Variants in KYNU observed in about 807,000 individuals in gnomAD.
KYNU encodes L-kynurenine hydrolase.
Under a neutral mutation model 59.2 loss-of-function variants are expected in KYNU, and 54 were observed. The observed-to-expected ratio is 0.91, with a 90% CI of 0.73 to 1.14. The LOEUF is 1.14. Ranked by LOEUF, KYNU falls within the 50% of genes most tolerant of loss-of-function variation. The pLI is 0.00. For missense variants in KYNU, 567 were observed against 554.4 expected, an observed-to-expected ratio of 1.02 and a Z score of -0.23; for synonymous variants, 177 against 192.0, an observed-to-expected ratio of 0.92 and a Z score of 0.65.
chr2:142,943,302 C>T (rs938697119), intron 4 of KYNU, among the ~76,000 whole-genome samples: 1 of 152,100 alleles, frequency 6.6e-6, no homozygotes, highest in African/African-American at 2.4e-5. Flanking sequence ...TTGAGTCTTC[C>T]AGGTTCTTAA....
chr2:142,965,376 G>A (rs1684493343), intron 8 of KYNU, among the ~76,000 whole-genome samples: 2 of 152,092 alleles, frequency 1.3e-5, no homozygotes, highest in African/African-American at 4.8e-5. Context: ...AATGTTTTCA[G>A]CTACAAGAAA....
intron 2 of KYNU, among the ~76,000 whole-genome samples, chr2:142,889,013 A>C (rs1003275945): frequency 2.6e-5 from 4 of 151,784 alleles, no homozygotes; most frequent in African/African-American, 7.3e-5. Flanking sequence ...AGATGACAGC[A>C]CAGTGAGGAA....
Position 143,006,810 on chromosome 2 carries a change from C to T in KYNU, c.902+20789C>T, listed in dbSNP as rs186345484. 7.2e-5 allele frequency among the ~76,000 whole-genome samples: 11 copies of T among 152,062 alleles called. No homozygotes were observed. In the East Asian group the frequency reaches 1.6e-3, roughly 22 times the overall value. ...AGCAGGAGCACACTGACACCTCACACGGCAGGGTATTCCAACAGACCCTGC... is the reference window on the plus strand; with the variant it reads ...AGCAGGAGCACACTGACACCTCACATGGCAGGGTATTCCAACAGACCCTGC... On this transcript the variant is annotated intron_variant, in intron 10 of 13. Transcript: ENST00000264170.
chr2:142,931,144 C>G (rs776022038), intron 4 of KYNU, among the ~76,000 whole-genome samples: 1 of 152,186 alleles, frequency 6.6e-6, no homozygotes, highest in Non-Finnish European at 1.5e-5. Context: ...TGCTGGCGCA[C>G]GCCGCTGACG....
intron 10 of KYNU, among the ~76,000 whole-genome samples, chr2:142,991,329 T>A (rs1573878110): frequency 6.6e-6 from 1 of 151,980 alleles, no homozygotes; most frequent in Non-Finnish European, 1.5e-5. Context: ...TAAGGCCTTC[T>A]TGTGCAAAGT....
intron 8 of KYNU, among the ~76,000 whole-genome samples, chr2:142,966,067 G>A (rs1394112917): frequency 6.6e-6 from 1 of 151,988 alleles, no homozygotes; most frequent in African/African-American, 2.4e-5. Flanking sequence ...TAAAGCAAGA[G>A]GAATCAAGAC....
At chr2:143,032,121 C>CA (rs201818295) in intron 11 of KYNU, among the ~76,000 whole-genome samples, 2,177 of 151,806 alleles carry the variant, frequency 0.014, 162 homozygotes, top group Admixed American at 0.13. Context: ...ACTAAAAATA[C>CA]AAAAAAATTA....
Position 142,960,637 on chromosome 2 carries a change from T to G in KYNU, c.596T>G (p.Leu199Ter). Reference sequence around the variant, plus strand: ...AACTTGATTTAGGGGGAAGAAACCTTAAGAATAGAGGATATCCTTGAAGTA... The same window carrying G: ...AACTTGATTTAGGGGGAAGAAACCTGAAGAATAGAGGATATCCTTGAAGTA... Reference protein sequence around the residue: ...MIKPREGEETLRIEDILEVIE... With the variant: ...MIKPREGEET The change falls in exon 8 of 14, where the codon TTA becomes TGA. Residue 199 changes from leucine to a stop codon, truncating the protein, a stop_gained. Coordinates refer to ENST00000264170, the MANE Select transcript of KYNU (RefSeq NM_003937.3). LOFTEE classifies it high-confidence loss of function. 1 of 1,613,640 alleles carries G rather than the reference T, an allele frequency of 6.2e-7. No individual in the cohort carries two copies. The highest frequency in any genetic ancestry group is 8.5e-7 in the Non-Finnish European group (1 of 1,179,648).
intron 10 of KYNU, among the ~76,000 whole-genome samples, chr2:142,993,161 A>G (rs34965832): frequency 0.14 from 21,715 of 151,978 alleles, 1,926 homozygotes; most frequent in African/African-American, 0.25. Context: ...CCTGTGAGAG[A>G]GATTCATTTC....
At chr2:143,020,219 T>C (rs1686366917) in intron 10 of KYNU, among the ~76,000 whole-genome samples, 1 of 152,090 alleles carries the variant, frequency 6.6e-6, no homozygotes, top group Admixed American at 6.6e-5. Context: ...ATTAGGTTTT[T>C]TGTTTGAAAT....
chr2:142,962,751 G>A (rs1684392310), intron 8 of KYNU, among the ~76,000 whole-genome samples: 1 of 152,190 alleles, frequency 6.6e-6, no homozygotes, highest in Non-Finnish European at 1.5e-5. Context: ...GGATATAGCA[G>A]ATGTAGATTT....
chr2:142,927,318 C>T, intron 3 of KYNU, among the ~76,000 whole-genome samples: 1 of 152,106 alleles, frequency 6.6e-6, no homozygotes, highest in East Asian at 1.9e-4. Flanking sequence ...ATAGATACTA[C>T]ATTCTACAGG....
intron 10 of KYNU, among the ~76,000 whole-genome samples, chr2:142,995,259 C>G (rs1573881643): frequency 6.6e-6 from 1 of 152,020 alleles, no homozygotes; most frequent in Non-Finnish European, 1.5e-5. Context: ...TTTTTATTAA[C>G]TAAAATTTAT....
At position 143,052,399 on chromosome 2, in the gene KYNU, C is replaced by T. The variant is rs558992330; in HGVS notation, c.*10227C>T. ...AGAAGCTGAATGTTAATCACTAAGA[C>T]AATGAGGAAAATGTCTCCAGGGCAT... On this transcript the variant is annotated 3_prime_UTR_variant, in exon 14 of 14. Coordinates refer to ENST00000264170, the MANE Select transcript of KYNU (RefSeq NM_003937.3). The T allele has an allele frequency of 6.6e-6, 1 of 152,322 alleles. No homozygotes were observed. Among genetic ancestry groups the T allele is most frequent in the East Asian group, 1.9e-4 (1 of 5,184 alleles). 9.4% of individuals were successfully genotyped at this position (152,322 alleles called of 1,614,324 possible). A position where few individuals can be genotyped will look rare whatever the true frequency, so the allele number is the denominator to read the frequency against.
intron 13 of KYNU, among the ~76,000 whole-genome samples, chr2:143,041,321 A>G (rs1475399236): frequency 6.6e-6 from 1 of 152,064 alleles, no homozygotes; most frequent in Non-Finnish European, 1.5e-5. Flanking sequence ...GGTTACTCCC[A>G]GATGCTGGAG....
At chr2:143,028,953 T>A (rs1686659632) in intron 10 of KYNU, among the ~76,000 whole-genome samples, 1 of 152,192 alleles carries the variant, frequency 6.6e-6, no homozygotes, top group Non-Finnish European at 1.5e-5. Context: ...GCTTTTTGGG[T>A]ACATTTCTCT....
chr2:142,962,405 G>T (rs1224180633), intron 8 of KYNU, among the ~76,000 whole-genome samples: 4 of 152,130 alleles, frequency 2.6e-5, no homozygotes, highest in Admixed American at 2.0e-4. Context: ...AAATGGATTG[G>T]CACACATTCT....
chr2:142,909,971 T>C (rs945304612), intron 2 of KYNU, among the ~76,000 whole-genome samples: 1 of 152,140 alleles, frequency 6.6e-6, no homozygotes, highest in African/African-American at 2.4e-5. Context: ...CTGTTATTTT[T>C]TGATGTTTTA....
intron 11 of KYNU, among the ~76,000 whole-genome samples, chr2:143,032,663 TA>T (rs1371835537): frequency 6.6e-6 from 1 of 150,428 alleles, no homozygotes; most frequent in African/African-American, 2.4e-5. Context: ...GTTATTAATT[TA>T]CCTTTTTTAT....
Sources: allele counts gnomAD v4.1 joint callset (sites outside exome capture counted in the v4.1 genomes callset), GRCh38; gene constraint gnomAD v4.1.1; transcripts MANE v1.5; gene names NCBI Gene and HGNC (gene_info 2026-07-23, HGNC 2026-07-21).